Variants in KLHL6 observed in about 807,000 individuals in gnomAD.
KLHL6 encodes the protein kelch-like protein 6.
KLHL6 carries 41 observed loss-of-function variants against 58.6 expected under a neutral mutation model. The observed-to-expected ratio is 0.70, with a 90% CI of 0.55 to 0.91. KLHL6 has a LOEUF of 0.91. Ranked by LOEUF, KLHL6 falls within the 40% of genes least tolerant of loss-of-function variation. KLHL6 has a pLI of 0.00. For synonymous variants in KLHL6, 338 were observed against 322.7 expected (o/e 1.05, Z -0.51); for missense variants, 714 against 805.6 (o/e 0.89, Z 1.38).
chr3:183,541,907 ACTTTCT>A (rs1281752130), intron 1 of KLHL6, among the ~76,000 whole-genome samples: 2 of 152,176 alleles, frequency 1.3e-5, no homozygotes, highest in Non-Finnish European at 2.9e-5. Flanking sequence ...AGGTCAGACC[ACTTTCT>A]CTTTCTCTTT....
At chr3:183,537,900 C>T (rs192337106) in intron 1 of KLHL6, among the ~76,000 whole-genome samples, 1 of 152,226 alleles carries the variant, frequency 6.6e-6, no homozygotes, top group Admixed American at 6.5e-5. Context: ...CACTAGAATG[C>T]CAGCTGAGTG....
At chr3:183,550,036 A>G (rs904201827) in intron 1 of KLHL6, among the ~76,000 whole-genome samples, 5 of 152,180 alleles carry the variant, frequency 3.3e-5, no homozygotes, top group African/African-American at 1.2e-4. Context: ...TATAAACCTC[A>G]AAGAGATTAA....
chr3:183,508,656 T>C (rs1470362714), intron 2 of KLHL6, 148 bp from the exon 3 acceptor site: 1 of 649,374 alleles, frequency 1.5e-6, no homozygotes, highest in South Asian at 2.0e-5. Flanking sequence ...AATTCATTCA[T>C]ACAGTAGACT....
intron 2 of KLHL6, among the ~76,000 whole-genome samples, chr3:183,512,179 G>C (rs1414439137): frequency 2.0e-5 from 3 of 152,192 alleles, no homozygotes; most frequent in Non-Finnish European, 4.4e-5. Context: ...ATCTATGAGA[G>C]CTGAAAGGAA....
chr3:183,540,063 G>A (rs1479245509), intron 1 of KLHL6, among the ~76,000 whole-genome samples: 2 of 152,196 alleles, frequency 1.3e-5, no homozygotes, highest in East Asian at 1.9e-4. Flanking sequence ...CTTTTAGCAG[G>A]AGTACTCAGA....
In KLHL6 at chr3:183,499,683, T is replaced by C. The variant is rs759499482; in HGVS notation, c.1054A>G (p.Lys352Glu). Residue 352 changes from lysine (K) to glutamate (E), a missense_variant, in exon 4 of 7, where the codon AAG becomes GAG. Physicochemically the swap from Lys to Glu is moderately conservative, Grantham distance 56 (BLOSUM62 1). Coordinates refer to ENST00000341319, the MANE Select transcript of KLHL6 (RefSeq NM_130446.4). The surrounding 1 kb of genome is among the most constrained non-coding windows in gnomAD (Gnocchi z 4.6). ...AGCTCATGCTCTGTTAGCGGGAGCT[T>C]GGCCACCTCCAGGCGGCTGCGCCTC... ...PLRRSRLEVAKLPLTEHELES... is the reference protein window; with the variant it reads ...PLRRSRLEVAELPLTEHELES... 44 of 1,611,444 alleles carry C rather than the reference T, an allele frequency of 2.7e-5. No individual in the cohort carries two copies. Among genetic ancestry groups the C allele is most frequent in the Non-Finnish European group, 3.3e-5 (39 of 1,178,966 alleles).
At chr3:183,526,926 C>T (rs1040361273) in intron 2 of KLHL6, among the ~76,000 whole-genome samples, 1 of 151,766 alleles carries the variant, frequency 6.6e-6, no homozygotes, top group African/African-American at 2.4e-5. Flanking sequence ...TGGTAAAACC[C>T]CATCTCTACT....
chr3:183,525,769 C>T (rs181933797), intron 2 of KLHL6, among the ~76,000 whole-genome samples: 31 of 152,326 alleles, frequency 2.0e-4, no homozygotes, highest in African/African-American at 5.3e-4. Context: ...AGTTTCCACA[C>T]GCAGACCTGC....
chr3:183,515,234 C>T (rs1301360488), intron 2 of KLHL6, among the ~76,000 whole-genome samples: 1 of 151,986 alleles, frequency 6.6e-6, no homozygotes, highest in African/African-American at 2.4e-5. Context: ...CACCTCTGGA[C>T]ATTTAAAATT....
intron 2 of KLHL6, among the ~76,000 whole-genome samples, chr3:183,526,842 T>C (rs1223246378): frequency 6.6e-6 from 1 of 152,222 alleles, no homozygotes; most frequent in African/African-American, 2.4e-5. Flanking sequence ...CTCATGCCTG[T>C]AATCCCAGCA....
At chr3:183,514,378 C>T (rs1016891399) in intron 2 of KLHL6, among the ~76,000 whole-genome samples, 1 of 152,114 alleles carries the variant, frequency 6.6e-6, no homozygotes, top group African/African-American at 2.4e-5. Flanking sequence ...CATCTCCTCA[C>T]CTCCTCCAAG....
At chr3:183,525,484 A>G (rs1017102007) in intron 2 of KLHL6, among the ~76,000 whole-genome samples, 1 of 152,166 alleles carries the variant, frequency 6.6e-6, no homozygotes, top group Non-Finnish European at 1.5e-5. Flanking sequence ...TGAAAACATC[A>G]TCTCATCTAA....
At chr3:183,525,814 G>C (rs1288053243) in intron 2 of KLHL6, among the ~76,000 whole-genome samples, 1 of 152,210 alleles carries the variant, frequency 6.6e-6, no homozygotes, top group East Asian at 1.9e-4. Flanking sequence ...AGTAAAACTA[G>C]TAAGATGCGA....
chr3:183,533,011 C>T (rs114743757), intron 1 of KLHL6, among the ~76,000 whole-genome samples: 76 of 152,266 alleles, frequency 5.0e-4, no homozygotes, highest in African/African-American at 1.8e-3. Context: ...GTAGCCACAC[C>T]GCTAGGGAAC....
At chr3:183,553,977 CAA>C (rs59243986) in intron 1 of KLHL6, among the ~76,000 whole-genome samples, 15,423 of 127,530 alleles carry the variant, frequency 0.12, 1,069 homozygotes, top group African/African-American at 0.22. Context: ...CCAAGCACCT[CAA>C]AAAAAAAAAA....
At chr3:183,493,038 A>G (rs1577173639) in intron 5 of KLHL6, 1 of 294,734 alleles carries the variant, frequency 3.4e-6, no homozygotes, top group Non-Finnish European at 6.5e-6. Flanking sequence ...ATGCATATTC[A>G]TATTCATTCA....
intron 1 of KLHL6, chr3:183,544,467 A>G (rs1466205704): frequency 6.6e-6 from 1 of 152,214 alleles, no homozygotes; most frequent in Non-Finnish European, 1.5e-5. Flanking sequence ...TCGAAGGAGA[A>G]TATGTCTCTG....
intron 1 of KLHL6, among the ~76,000 whole-genome samples, chr3:183,538,102 C>A (rs1425617281): frequency 6.6e-6 from 1 of 152,168 alleles, no homozygotes; most frequent in Non-Finnish European, 1.5e-5. Context: ...AGGCCCTCCA[C>A]CGCCACTAGG....
chr3:183,497,960 G>T (rs1292932888), intron 4 of KLHL6, among the ~76,000 whole-genome samples: 1 of 152,184 alleles, frequency 6.6e-6, no homozygotes, highest in Admixed American at 6.5e-5. Flanking sequence ...TTAAGGCCGG[G>T]CGCAGTGGCT....
Sources: allele counts gnomAD v4.1 joint callset (sites outside exome capture counted in the v4.1 genomes callset), GRCh38; gene constraint gnomAD v4.1.1; non-coding constraint Gnocchi (gnomAD v3.1); transcripts MANE v1.5; gene names NCBI Gene and HGNC (gene_info 2026-07-23, HGNC 2026-07-21).